AP2B1: variants seen among roughly 807,000 people sequenced by gnomAD.
The protein encoded by AP2B1 is adaptor related protein complex 2 subunit beta 1.
A neutral mutation model predicts 102.0 loss-of-function variants in AP2B1; 23 were observed. The observed-to-expected ratio is 0.23, with a 90% CI of 0.16 to 0.32. The LOEUF is 0.32. AP2B1 is among the 10% of genes least tolerant of loss of function. The pLI is 1.00. For missense variants in AP2B1, 541 were observed against 1,157.4 expected (o/e 0.47, Z 7.73); for synonymous variants, 381 against 421.2 (o/e 0.90, Z 1.17).
intron 10 of AP2B1, 80 bp downstream of exon 10, chr17:35,636,536 A>G: frequency 1.9e-6 from 2 of 1,054,038 alleles, no homozygotes; most frequent in East Asian, 2.5e-5. Flanking sequence ...CTAGGTAAGA[A>G]TTACTCTTTT....
chr17:35,682,080 C>T (rs180801301), intron 17 of AP2B1, among the ~76,000 whole-genome samples: 5 of 152,110 alleles, frequency 3.3e-5, no homozygotes, highest in Non-Finnish European at 7.4e-5. Context: ...CACGGTGAAA[C>T]CCCATCTCTA....
chr17:35,611,864 CTA>C (rs2073875935), intron 5 of AP2B1, among the ~76,000 whole-genome samples: 1 of 152,170 alleles, frequency 6.6e-6, no homozygotes, highest in African/African-American at 2.4e-5. Context: ...GAATAGGTCT[CTA>C]TTTGAATTTA....
chr17:35,589,425 A>G (rs2142264597), intron 1 of AP2B1, among the ~76,000 whole-genome samples: 1 of 152,296 alleles, frequency 6.6e-6, no homozygotes, highest in East Asian at 1.9e-4. Flanking sequence ...GAGCCATTTG[A>G]ATTAAGACCC....
intron 18 of AP2B1, among the ~76,000 whole-genome samples, chr17:35,694,435 A>ATTTTTTTTTTTTTTTTTT (rs2076101194): frequency 2.5e-5 from 2 of 80,004 alleles, no homozygotes. Flanking sequence ...TAATTTTTTA[A>ATTTTTTTTTTTTTTTTTT]TTTTTTGTAG....
chr17:35,588,063 C>T (rs2072957021), intron 1 of AP2B1, among the ~76,000 whole-genome samples: 1 of 75,772 alleles, frequency 1.3e-5, no homozygotes, highest in South Asian at 5.7e-4. Flanking sequence ...CTTAACCCAG[C>T]ATCTTTTTTT....
chr17:35,611,378 C>T (rs2073858634), intron 5 of AP2B1, among the ~76,000 whole-genome samples: 2 of 152,324 alleles, frequency 1.3e-5, no homozygotes, highest in African/African-American at 2.4e-5. Flanking sequence ...GAGGCAGCAT[C>T]TCTATGCTAA....
chr17:35,615,768 A>G (rs2073993567), intron 5 of AP2B1, among the ~76,000 whole-genome samples: 1 of 152,230 alleles, frequency 6.6e-6, no homozygotes, highest in Non-Finnish European at 1.5e-5. Context: ...GCAGAATTTT[A>G]GGCACATATG....
intron 1 of AP2B1, 101 bp downstream of exon 1, chr17:35,587,529 A>C (rs1597936736): frequency 6.5e-6 from 1 of 153,110 alleles, no homozygotes; most frequent in African/African-American, 2.4e-5. Flanking sequence ...GGCGGAGGCG[A>C]GGAAATCCTA....
intron 14 of AP2B1, among the ~76,000 whole-genome samples, chr17:35,668,439 G>T (rs760222222): frequency 5.3e-5 from 8 of 152,020 alleles, no homozygotes; most frequent in Non-Finnish European, 8.8e-5. Flanking sequence ...CCATCTCTGG[G>T]GGCGAGTACT....
chr17:35,688,426 A>G lies in AP2B1; in HGVS notation c.2454+5602A>G, dbSNP rs186760045. Among the ~76,000 whole-genome samples, 4 of 152,108 alleles carry G rather than the reference A, an allele frequency of 2.6e-5. No homozygotes were observed. The East Asian group carries it at 7.7e-4, about 29-fold the overall frequency. On this transcript the variant is annotated intron_variant, in intron 18 of 21. Coordinates refer to ENST00000610402, the MANE Select transcript of AP2B1 (RefSeq NM_001030006.2). ...GTCCCCAGTGTTTTAAATTTCAGTG[A>G]TGTGCCTCATTGTGACTCTGTCTTT... is the stretch of plus-strand genomic sequence containing the variant.
chr17:35,708,672 A>G (rs1348424099), intron 18 of AP2B1, among the ~76,000 whole-genome samples: 1 of 152,218 alleles, frequency 6.6e-6, no homozygotes, highest in African/African-American at 2.4e-5. Context: ...ATTTAAAAAA[A>G]TAAAAAATAA....
rs987235755 is a variant in AP2B1 at position 35,617,769 on chromosome 17, C to G, written c.526-6628C>G. ...ACTTTACTCTTAGAAATGGGGAGAT[C>G]ATAAGTGGTGTGATAATAAGTGTTT... On this transcript the variant is annotated intron_variant, in intron 5 of 21. Coordinates refer to ENST00000610402, the MANE Select transcript of AP2B1 (RefSeq NM_001030006.2). Among the ~76,000 whole-genome samples the G allele has an allele frequency of 3.9e-5, 6 of 152,114 alleles. No individual in the cohort carries two copies. In the East Asian group the frequency reaches 1.2e-3, roughly 29 times the overall value.
At chr17:35,682,406 G>A (rs1027850771) in intron 17 of AP2B1, among the ~76,000 whole-genome samples, 106 of 139,024 alleles carry the variant, frequency 7.6e-4, no homozygotes, top group African/African-American at 2.7e-3. Flanking sequence ...GCAATGGTGC[G>A]ATCTCGGCTC....
chr17:35,707,989 G>A (rs1555585648), intron 18 of AP2B1, among the ~76,000 whole-genome samples: 3 of 152,140 alleles, frequency 2.0e-5, no homozygotes, highest in African/African-American at 7.2e-5. Flanking sequence ...GGGAATACAG[G>A]CACCATTTAA....
Position 35,685,208 on chromosome 17 carries a change from G to T in AP2B1, c.2454+2384G>T, listed in dbSNP as rs145053388. Among the ~76,000 whole-genome samples the T allele has an allele frequency of 5.3e-5, 8 of 152,284 alleles. 1 individual carries two copies. In the South Asian group the frequency reaches 6.2e-4, roughly 12 times the overall value. On this transcript the variant is annotated intron_variant, in intron 18 of 21. Coordinates refer to ENST00000610402, the MANE Select transcript of AP2B1 (RefSeq NM_001030006.2). The stretch of plus-strand genomic sequence containing the variant: ...TCTCATTAATTGGCATTTCCCAATG[G>T]ATATGATAAACAAAACTTGAAAAGA...
chr17:35,639,595 G>T lies in AP2B1; in HGVS notation c.1272G>T (p.Lys424Asn). The change falls in exon 11 of 22, where the codon AAG (lysine) becomes AAT (asparagine). Residue 424 changes from lysine (K) to asparagine (N), a missense_variant and splice_region_variant. Lys to Asn is a moderately conservative substitution (Grantham distance 94, BLOSUM62 0). Transcript: ENST00000610402. ...ACCATAGTTCATTTTTTTTCATCAG[G>T]TATGAAAGTATCATCGCCACTCTGT... is the stretch of plus-strand genomic sequence containing the variant. Reference protein sequence around the residue: ...IRDIFRKYPNKYESIIATLCE... With the variant: ...IRDIFRKYPNNYESIIATLCE... 1.2e-6 allele frequency: 2 copies of T among 1,606,738 alleles called. No individual in the cohort carries two copies. Among genetic ancestry groups the T allele is most frequent in the Non-Finnish European group, 1.7e-6 (2 of 1,177,650 alleles).
chr17:35,638,683 G>A (rs1243377067), intron 10 of AP2B1, among the ~76,000 whole-genome samples: 2 of 151,880 alleles, frequency 1.3e-5, no homozygotes, highest in African/African-American at 4.8e-5. Flanking sequence ...CAGCTACTCG[G>A]GAGGCTGAGG....
chr17:35,667,434 T>C (rs2075491871), intron 14 of AP2B1, among the ~76,000 whole-genome samples: 1 of 152,222 alleles, frequency 6.6e-6, no homozygotes, highest in Non-Finnish European at 1.5e-5. Flanking sequence ...AGAGTTCATG[T>C]TTCTAGCTGA....
rs527443058 is a variant in AP2B1 at position 35,601,830 on chromosome 17, C to T, written c.143+3495C>T. ...TTTGCTCTTGTTGCCCAGGCTGCAGCGCAATGGCGTGATCTTGGCTCACTG... is the reference window on the plus strand; with the variant it reads ...TTTGCTCTTGTTGCCCAGGCTGCAGTGCAATGGCGTGATCTTGGCTCACTG... On this transcript the variant is annotated intron_variant, in intron 3 of 21. Transcript: ENST00000610402. Among the ~76,000 whole-genome samples, 699 of 149,094 alleles carry T rather than the reference C, an allele frequency of 4.7e-3. 1 individual carries two copies. The highest frequency in any genetic ancestry group is 5.5e-3 in the Non-Finnish European group (374 of 67,536).
Sources: gnomAD v4.1 joint callset for allele counts (sites outside exome capture counted in the v4.1 genomes callset) on GRCh38, gnomAD v4.1.1 for gene constraint, MANE v1.5 for transcripts, NCBI Gene and HGNC (gene_info 2026-07-23, HGNC 2026-07-21) for gene names.